GRM7: variants seen among roughly 807,000 people sequenced by gnomAD.
GRM7 encodes the protein glutamate metabotropic receptor 7.
GRM7 carries 35 observed loss-of-function variants against 84.5 expected under a neutral mutation model. That is an observed-to-expected ratio of 0.41 (90% confidence interval 0.32 to 0.55). The LOEUF (loss-of-function observed/expected upper bound fraction) is 0.55. Among genes scored for constraint, GRM7 ranks in the 20% least tolerant of loss-of-function variants. GRM7 has a pLI of 0.19. For missense variants in GRM7, 1,003 were observed against 1,194.6 expected, an observed-to-expected ratio of 0.84 and a Z score of 2.36; for synonymous variants, 487 against 455.1, an observed-to-expected ratio of 1.07 and a Z score of -0.89.
intron 2 of GRM7, among the ~76,000 whole-genome samples, chr3:7,222,062 G>C (rs531875073): frequency 6.6e-6 from 1 of 152,018 alleles, no homozygotes; most frequent in African/African-American, 2.4e-5. Context: ...GCCCATCTCA[G>C]CCTCCCAAAG....
At chr3:7,682,409 T>C (rs186780078) in intron 9 of GRM7, 9 of 151,762 alleles carry the variant, frequency 5.9e-5, no homozygotes, top group Admixed American at 5.9e-4. Flanking sequence ...GCATCTATTA[T>C]ACCTATACCT....
chr3:6,914,967 G>A (rs1243249487), intron 1 of GRM7, among the ~76,000 whole-genome samples: 2 of 151,974 alleles, frequency 1.3e-5, no homozygotes, highest in Admixed American at 1.3e-4. Flanking sequence ...GAACTCAAGA[G>A]GACAAAAAGA....
chr3:7,275,722 T>C (rs1399608146), intron 2 of GRM7, among the ~76,000 whole-genome samples: 1 of 152,124 alleles, frequency 6.6e-6, no homozygotes, highest in Non-Finnish European at 1.5e-5. Context: ...AATGCTCTAG[T>C]GGTATTTCCA....
intron 1 of GRM7, among the ~76,000 whole-genome samples, chr3:7,000,520 G>C (rs1322537311): frequency 6.6e-6 from 1 of 151,938 alleles, no homozygotes; most frequent in Admixed American, 6.6e-5. Context: ...CACATTCTGA[G>C]GTTTCAAAGT....
chr3:7,223,385 G>A (rs150693265), intron 2 of GRM7, among the ~76,000 whole-genome samples: 364 of 151,860 alleles, frequency 2.4e-3, no homozygotes, highest in African/African-American at 8.5e-3. Flanking sequence ...AGTTTCTGAG[G>A]CTACTTTTAG....
At chr3:6,917,972 A>G (rs1697000645) in intron 1 of GRM7, among the ~76,000 whole-genome samples, 1 of 152,208 alleles carries the variant, frequency 6.6e-6, no homozygotes, top group African/African-American at 2.4e-5. Context: ...TGTATGGTTT[A>G]GCTGCACAAT....
chr3:6,916,023 G>GT (rs1186425795), intron 1 of GRM7, among the ~76,000 whole-genome samples: 2 of 152,198 alleles, frequency 1.3e-5, no homozygotes, highest in African/African-American at 4.8e-5. Flanking sequence ...TAGACTCAGA[G>GT]TAAACTTTCA....
chr3:6,937,079 G>A (rs1697718687), intron 1 of GRM7, among the ~76,000 whole-genome samples: 1 of 152,202 alleles, frequency 6.6e-6, no homozygotes, highest in African/African-American at 2.4e-5. Flanking sequence ...TAAGAAGAAA[G>A]AAAGTCACGG....
At chr3:7,655,660 C>T (rs139599736) in intron 8 of GRM7, among the ~76,000 whole-genome samples, 51 of 152,288 alleles carry the variant, frequency 3.3e-4, no homozygotes, top group Non-Finnish European at 6.0e-4. Context: ...GCATCTATCT[C>T]CCTTACTACC....
chr3:7,586,903 T>C (rs914069232), intron 8 of GRM7, among the ~76,000 whole-genome samples: 3 of 152,176 alleles, frequency 2.0e-5, no homozygotes, highest in Admixed American at 1.3e-4. Flanking sequence ...GAATATATAC[T>C]GTATGATTCA....
intron 7 of GRM7, among the ~76,000 whole-genome samples, chr3:7,469,967 T>C (rs1490951488): frequency 2.0e-5 from 3 of 152,152 alleles, no homozygotes; most frequent in Non-Finnish European, 4.4e-5. Context: ...CATAAGAATG[T>C]TTTTGACTTA....
intron 7 of GRM7, among the ~76,000 whole-genome samples, chr3:7,559,971 T>C (rs1057211810): frequency 6.6e-6 from 1 of 152,068 alleles, no homozygotes; most frequent in African/African-American, 2.4e-5. Context: ...CCCACCTGTA[T>C]GAACCTCATT....
At chr3:7,515,344 C>T (rs994411304) in intron 7 of GRM7, among the ~76,000 whole-genome samples, 1 of 152,036 alleles carries the variant, frequency 6.6e-6, no homozygotes, top group African/African-American at 2.4e-5. Flanking sequence ...TGCATTGTAG[C>T]AGGTTTAGCT....
intron 2 of GRM7, among the ~76,000 whole-genome samples, chr3:7,259,169 A>G (rs1000671953): frequency 3.9e-5 from 6 of 152,216 alleles, no homozygotes; most frequent in African/African-American, 1.4e-4. Context: ...AAACACTGGT[A>G]AATTGGCATT....
chr3:7,090,801 C>CAT (rs145710407), intron 1 of GRM7, among the ~76,000 whole-genome samples: 10,002 of 152,178 alleles, frequency 0.066, 775 homozygotes, highest in African/African-American at 0.15. Context: ...GATCCTCTAT[C>CAT]ATACATGGGT....
chr3:7,080,337 A>G (rs1335279270), intron 1 of GRM7, among the ~76,000 whole-genome samples: 1 of 151,992 alleles, frequency 6.6e-6, no homozygotes, highest in Non-Finnish European at 1.5e-5. Context: ...CATTTGGTCC[A>G]GTCTCCTCGC....
chr3:7,540,188 A>C (rs1692794257), intron 7 of GRM7, among the ~76,000 whole-genome samples: 1 of 152,166 alleles, frequency 6.6e-6, no homozygotes, highest in Non-Finnish European at 1.5e-5. Context: ...TCAAAATGTT[A>C]AAAATGGGAT....
At chr3:7,704,654 A>C (rs1247433448) in intron 9 of GRM7, among the ~76,000 whole-genome samples, 2 of 152,204 alleles carry the variant, frequency 1.3e-5, no homozygotes, top group African/African-American at 4.8e-5. Flanking sequence ...TGCTACCAAA[A>C]GGGTACATCA....
chr3:7,158,804 A>G (rs1694535005), intron 2 of GRM7, among the ~76,000 whole-genome samples: 1 of 152,176 alleles, frequency 6.6e-6, no homozygotes, highest in African/African-American at 2.4e-5. Context: ...TCACCTCTCT[A>G]GAGAGTCTTT....
Sources: gnomAD v4.1 joint callset for allele counts (sites outside exome capture counted in the v4.1 genomes callset) on GRCh38, gnomAD v4.1.1 for gene constraint, MANE v1.5 for transcripts, NCBI Gene and HGNC (gene_info 2026-07-23, HGNC 2026-07-21) for gene names.